The following BCAS1 variants were observed in gnomAD, a reference collection of about 807,000 sequenced individuals.
BCAS1 encodes the protein brain enriched myelin associated protein 1, also known as breast carcinoma-amplified sequence 1.
Under a neutral mutation model 65.4 loss-of-function variants are expected in BCAS1, and 46 were observed. That is an observed-to-expected ratio of 0.70 (90% confidence interval 0.55 to 0.90). The LOEUF is 0.90. Among genes scored for constraint, BCAS1 ranks in the 40% least tolerant of loss-of-function variants. BCAS1 has a pLI of 0.00. For missense variants in BCAS1, 793 were observed against 771.2 expected, an observed-to-expected ratio of 1.03 and a Z score of -0.33; for synonymous variants, 298 against 293.5, an observed-to-expected ratio of 1.02 and a Z score of -0.16.
chr20:54,058,766 C>T (rs909669281), intron 1 of BCAS1, 43 bp from the exon 2 acceptor site: 1 of 1,601,806 alleles, frequency 6.2e-7, no homozygotes, highest in African/African-American at 1.3e-5. Flanking sequence ...GAAATCAAAA[C>T]CAAACGAAGC....
intron 3 of BCAS1, among the ~76,000 whole-genome samples, chr20:54,057,434 C>T (rs1026601822): frequency 2.6e-5 from 4 of 152,208 alleles, no homozygotes; most frequent in African/African-American, 9.6e-5. Flanking sequence ...ATGCCTTGTT[C>T]CAGGTCACAC....
chr20:54,003,916 C>T (rs906758053), intron 4 of BCAS1, among the ~76,000 whole-genome samples: 3 of 152,142 alleles, frequency 2.0e-5, no homozygotes, highest in African/African-American at 4.8e-5. Context: ...GGGATCCAAG[C>T]GGTTAAGCTG....
At chr20:54,024,635 C>T (rs1166516883) in intron 4 of BCAS1, among the ~76,000 whole-genome samples, 1 of 152,056 alleles carries the variant, frequency 6.6e-6, no homozygotes, top group African/African-American at 2.4e-5. Context: ...GAAGTGAACC[C>T]TGGGGAAGTC....
intron 3 of BCAS1, among the ~76,000 whole-genome samples, chr20:54,042,416 A>G (rs1002985415): frequency 5.9e-5 from 9 of 152,196 alleles, no homozygotes; most frequent in Admixed American, 2.6e-4. Flanking sequence ...ATAAATAATC[A>G]TATGTCCCTA....
intron 4 of BCAS1, among the ~76,000 whole-genome samples, chr20:54,016,224 T>C (rs1333408545): frequency 6.6e-6 from 1 of 152,220 alleles, no homozygotes; most frequent in Non-Finnish European, 1.5e-5. Context: ...GAAAGACCTA[T>C]TGGATCATTT....
At chr20:53,986,350 C>T (rs2090616043) in intron 7 of BCAS1, among the ~76,000 whole-genome samples, 1 of 152,146 alleles carries the variant, frequency 6.6e-6, no homozygotes, top group Non-Finnish European at 1.5e-5. Context: ...AATTTCTATG[C>T]TCTGCCACCC....
At chr20:53,976,207 A>T (rs2090330293) in intron 8 of BCAS1, among the ~76,000 whole-genome samples, 1 of 152,172 alleles carries the variant, frequency 6.6e-6, no homozygotes, top group Non-Finnish European at 1.5e-5. Context: ...TCATTTTTGC[A>T]TCTTTCTTTT....
intron 4 of BCAS1, among the ~76,000 whole-genome samples, chr20:54,004,045 T>C (rs952129969): frequency 2.6e-5 from 4 of 152,346 alleles, no homozygotes; most frequent in African/African-American, 9.6e-5. Flanking sequence ...ATTCTTTTAA[T>C]GTGTATTGTG....
chr20:54,067,733 C>T (rs1301551360), intron 1 of BCAS1, among the ~76,000 whole-genome samples: 1 of 152,224 alleles, frequency 6.6e-6, no homozygotes, highest in Non-Finnish European at 1.5e-5. Context: ...ACTTCATCAC[C>T]AGCAGGCAGC....
intron 1 of BCAS1, among the ~76,000 whole-genome samples, chr20:54,069,113 C>T (rs981754482): frequency 4.6e-5 from 7 of 152,126 alleles, no homozygotes; most frequent in Non-Finnish European, 1.0e-4. Context: ...TAGCATGCCC[C>T]GCCCCGTCTG....
chr20:53,980,998 T>G (rs564526391), intron 8 of BCAS1, among the ~76,000 whole-genome samples: 2 of 152,344 alleles, frequency 1.3e-5, no homozygotes, highest in South Asian at 4.1e-4. Flanking sequence ...GTTTGGACAT[T>G]TATATTGCTA....
intron 4 of BCAS1, among the ~76,000 whole-genome samples, chr20:54,006,112 T>C (rs1168605337): frequency 6.6e-6 from 1 of 152,138 alleles, no homozygotes; most frequent in Non-Finnish European, 1.5e-5. Context: ...AGCAGAGGGT[T>C]CCATCACATA....
intron 3 of BCAS1, among the ~76,000 whole-genome samples, chr20:54,038,779 T>C (rs575654377): frequency 6.6e-6 from 1 of 151,436 alleles, no homozygotes; most frequent in Non-Finnish European, 1.5e-5. Context: ...TATGCATCAA[T>C]ATCCTGATCT....
At chr20:53,976,931 G>A (rs1440211312) in intron 8 of BCAS1, among the ~76,000 whole-genome samples, 3 of 152,190 alleles carry the variant, frequency 2.0e-5, no homozygotes, top group South Asian at 4.1e-4. Flanking sequence ...TAGTGTTACT[G>A]TATTAATCCG....
intron 9 of BCAS1, among the ~76,000 whole-genome samples, chr20:53,969,423 A>AT (rs907216046): frequency 1.3e-5 from 2 of 152,106 alleles, no homozygotes; most frequent in Non-Finnish European, 1.5e-5. Flanking sequence ...GGTGTTTAAT[A>AT]TTTTTTTATA....
At chr20:54,036,676 G>T (rs1385971300) in intron 3 of BCAS1, among the ~76,000 whole-genome samples, 1 of 151,322 alleles carries the variant, frequency 6.6e-6, no homozygotes, top group African/African-American at 2.4e-5. Context: ...TGCCCATACA[G>T]TGCTTACCAC....
At chr20:53,973,755 G>A (rs2145684585) in intron 9 of BCAS1, among the ~76,000 whole-genome samples, 1 of 152,252 alleles carries the variant, frequency 6.6e-6, no homozygotes, top group East Asian at 1.9e-4. Context: ...CTGGAATGAT[G>A]AGAGACCTGA....
At chr20:53,979,814 G>A (rs776235656) in intron 8 of BCAS1, among the ~76,000 whole-genome samples, 3 of 152,164 alleles carry the variant, frequency 2.0e-5, no homozygotes, top group Non-Finnish European at 2.9e-5. Flanking sequence ...AAAGCACTTA[G>A]CACAGTACCT....
chr20:53,997,231 A>C (rs1054387608), intron 4 of BCAS1, among the ~76,000 whole-genome samples: 2 of 152,206 alleles, frequency 1.3e-5, no homozygotes, highest in African/African-American at 2.4e-5. Flanking sequence ...GATAATATCT[A>C]CTTCACTCAG....
Sources: allele counts gnomAD v4.1 joint callset (sites outside exome capture counted in the v4.1 genomes callset), GRCh38; gene constraint gnomAD v4.1.1; transcripts MANE v1.5; gene names NCBI Gene and HGNC (gene_info 2026-07-23, HGNC 2026-07-21).